AK3: variants seen among roughly 807,000 people sequenced by gnomAD.
The protein encoded by AK3 is GTP:AMP phosphotransferase AK3, mitochondrial.
Under a neutral mutation model 23.7 loss-of-function variants are expected in AK3, and 27 were observed. The ratio of observed to expected loss-of-function variants is 1.14; its 90% CI spans 0.84 to 1.57. The LOEUF (loss-of-function observed/expected upper bound fraction) is 1.57. Ranked by LOEUF, AK3 falls within the 40% of genes most tolerant of loss-of-function variation. The pLI, the probability that AK3 is intolerant of heterozygous loss-of-function variation, is 0.00. For missense variants in AK3, 406 were observed against 285.6 expected (o/e 1.42, Z -3.04); for synonymous variants, 159 against 116.0 (o/e 1.37, Z -2.38).
intron 1 of AK3, among the ~76,000 whole-genome samples, 165 bp from the exon 2 acceptor site, chr9:4,722,790 T>G (rs1298116945): frequency 6.6e-6 from 1 of 152,166 alleles, no homozygotes; most frequent in Non-Finnish European, 1.5e-5. Context: ...GGAACAGTGG[T>G]TCATACCTGT....
At chr9:4,733,857 G>C (rs1217182341) in intron 1 of AK3, among the ~76,000 whole-genome samples, 1 of 152,134 alleles carries the variant, frequency 6.6e-6, no homozygotes, top group Non-Finnish European at 1.5e-5. Flanking sequence ...AGCTCTTATT[G>C]ATTTTTCAAC....
chr9:4,724,701 C>A (rs1841981400), intron 1 of AK3, among the ~76,000 whole-genome samples: 1 of 151,918 alleles, frequency 6.6e-6, no homozygotes, highest in Non-Finnish European at 1.5e-5. Flanking sequence ...ATTGCTTGAG[C>A]CCAAGAGGTC....
At chr9:4,717,791 A>G (rs1841777037) in intron 4 of AK3, among the ~76,000 whole-genome samples, 1 of 152,254 alleles carries the variant, frequency 6.6e-6, no homozygotes, top group African/African-American at 2.4e-5. Context: ...TGTTCTGAGC[A>G]TGTTTAAGGC....
chr9:4,727,451 T>G (rs1842045640), intron 1 of AK3, among the ~76,000 whole-genome samples: 1 of 152,248 alleles, frequency 6.6e-6, no homozygotes, highest in Non-Finnish European at 1.5e-5. Context: ...AGACGGCTTC[T>G]TTCCTTAAAC....
At chr9:4,715,359 A>G (rs937474559) in intron 4 of AK3, among the ~76,000 whole-genome samples, 2 of 150,722 alleles carry the variant, frequency 1.3e-5, no homozygotes, top group South Asian at 4.2e-4. Context: ...CTTTCACTTC[A>G]TCTTCGCAGC....
chr9:4,732,587 C>T (rs1367727776), intron 1 of AK3, among the ~76,000 whole-genome samples: 1 of 151,786 alleles, frequency 6.6e-6, no homozygotes, highest in Admixed American at 6.6e-5. Context: ...AAGTTATACA[C>T]AAAAGTAGGA....
At chr9:4,714,430 A>G (rs1841665385) in intron 4 of AK3, among the ~76,000 whole-genome samples, 1 of 152,222 alleles carries the variant, frequency 6.6e-6, no homozygotes, top group African/African-American at 2.4e-5. Flanking sequence ...TTTTCTCGGT[A>G]AGAAACATCT....
chr9:4,725,807 A>C (rs1371319758), intron 1 of AK3, among the ~76,000 whole-genome samples: 1 of 152,218 alleles, frequency 6.6e-6, no homozygotes, highest in Admixed American at 6.5e-5. Context: ...CAATAAGCCC[A>C]TGAACACATG....
chr9:4,738,899 G>A (rs375090), intron 1 of AK3, among the ~76,000 whole-genome samples: 13,755 of 150,978 alleles, frequency 0.091, 669 homozygotes, highest in Middle Eastern at 0.12. Context: ...AGCCTCCAGA[G>A]AAGCTGGGAC....
At chr9:4,730,423 C>G (rs532492389) in intron 1 of AK3, among the ~76,000 whole-genome samples, 6 of 152,114 alleles carry the variant, frequency 3.9e-5, no homozygotes, top group Non-Finnish European at 7.4e-5. Flanking sequence ...CACTCATAGT[C>G]TGATCACTAC....
rs1398475274 is a variant in AK3 at position 4,710,519 on chromosome 9, T to TC, written c.*2456dup. 6.6e-6 allele frequency: 1 copy of TC among 152,124 alleles called. No homozygotes were observed. Among genetic ancestry groups the TC allele is most frequent in the African/African-American group, 2.4e-5 (1 of 41,424 alleles). The allele number at this position is 152,124 out of a possible 1,614,324, so 9.4% of individuals were successfully genotyped here. On this transcript the variant is annotated 3_prime_UTR_variant, in exon 5 of 5. Coordinates refer to ENST00000381809, the MANE Select transcript of AK3 (RefSeq NM_016282.4). ...CAGGCGTGAGCCACCGCGCCCGGCC[T>TC]CTCATTGGCTTTTAACAAAAGTATA...
At chr9:4,720,672 G>A (rs755380935) in intron 2 of AK3, among the ~76,000 whole-genome samples, 1 of 135,116 alleles carries the variant, frequency 7.4e-6, no homozygotes, top group African/African-American at 3.0e-5. Flanking sequence ...CCTGGTGACA[G>A]AGCAAGACAC....
At chr9:4,724,762 G>A (rs1389530223) in intron 1 of AK3, among the ~76,000 whole-genome samples, 3 of 141,232 alleles carry the variant, frequency 2.1e-5, no homozygotes, top group African/African-American at 7.8e-5. Flanking sequence ...CTGGGCAACG[G>A]AGTGAGACCC....
chr9:4,720,422 A>T lies in AK3; in HGVS notation c.272-1115T>A, dbSNP rs553881485. On this transcript the variant is annotated intron_variant, in intron 2 of 4. Coordinates refer to ENST00000381809, the MANE Select transcript of AK3 (RefSeq NM_016282.4). ...AGTTAGGCCACACATGGTGGCTCAC[A>T]CCTGTAATCTCAGCACTTTGAGAGG... Among the ~76,000 whole-genome samples, 6 of 152,320 alleles carry T rather than the reference A, an allele frequency of 3.9e-5. No homozygotes were observed. The South Asian group carries it at 1.0e-3, about 26-fold the overall frequency.
chr9:4,740,641 G>A (rs992078981), intron 1 of AK3, among the ~76,000 whole-genome samples: 3 of 152,256 alleles, frequency 2.0e-5, no homozygotes, highest in African/African-American at 7.2e-5. Context: ...CTGCCACTGG[G>A]AGGACTTGGG....
rs1023328821 is a variant in AK3, at chr9:4,725,248, A to G, written c.152-2623T>C. Among the ~76,000 whole-genome samples, 4 of 151,198 alleles carry G rather than the reference A, an allele frequency of 2.6e-5. No individual in the cohort carries two copies. In the East Asian group the frequency reaches 7.9e-4, roughly 30 times the overall value. ...CATGTTGGCCAGGCTCGAAATCCTGACCTCGTGATCTGCCCGCCTCGGCCT... is the reference window on the plus strand; with the variant it reads ...CATGTTGGCCAGGCTCGAAATCCTGGCCTCGTGATCTGCCCGCCTCGGCCT... On this transcript the variant is annotated intron_variant, in intron 1 of 4. Coordinates refer to ENST00000381809, the MANE Select transcript of AK3 (RefSeq NM_016282.4).
At chr9:4,716,087 G>C (rs1841718640) in intron 4 of AK3, among the ~76,000 whole-genome samples, 1 of 152,178 alleles carries the variant, frequency 6.6e-6, no homozygotes, top group Non-Finnish European at 1.5e-5. Flanking sequence ...CGGAGTGACT[G>C]ACGCCTGATG....
intron 1 of AK3, 122 bp downstream of exon 1, chr9:4,740,812 CCCG>C: frequency 8.2e-7 from 1 of 1,223,536 alleles, no homozygotes; most frequent in Non-Finnish European, 1.1e-6. Flanking sequence ...AGGTCTCTGT[CCCG>C]GGCGGCGGGA....
chr9:4,726,882 C>T (rs901543654), intron 1 of AK3, among the ~76,000 whole-genome samples: 1 of 152,008 alleles, frequency 6.6e-6, no homozygotes, highest in East Asian at 1.9e-4. Context: ...GTTGAAATTA[C>T]TCCTTGATGC....
Sources: gnomAD v4.1 joint callset for allele counts (sites outside exome capture counted in the v4.1 genomes callset) on GRCh38, gnomAD v4.1.1 for gene constraint, MANE v1.5 for transcripts, NCBI Gene and HGNC (gene_info 2026-07-23, HGNC 2026-07-21) for gene names.